The following KLF7 variants were observed in gnomAD, a reference collection of about 807,000 sequenced individuals.
The protein encoded by KLF7 is KLF transcription factor 7.
Under a neutral mutation model 27.3 loss-of-function variants are expected in KLF7, and 2 were observed. The ratio of observed to expected loss-of-function variants is 0.07; its 90% CI spans 0.03 to 0.23. The LOEUF (loss-of-function observed/expected upper bound fraction) is 0.23. Ranked by LOEUF, KLF7 falls within the 10% of genes least tolerant of loss-of-function variation. The pLI is 1.00. For missense variants in KLF7, 221 were observed against 394.1 expected, an observed-to-expected ratio of 0.56 and a Z score of 3.72; for synonymous variants, 165 against 162.4, an observed-to-expected ratio of 1.02 and a Z score of -0.12.
At chr2:207,112,007 T>A (rs1366379638) in intron 2 of KLF7, among the ~76,000 whole-genome samples, 1 of 151,780 alleles carries the variant, frequency 6.6e-6, no homozygotes, top group African/African-American at 2.4e-5. Flanking sequence ...CATAATATAC[T>A]TGCAAAGTTG....
chr2:207,160,290 C>G (rs950032009), intron 1 of KLF7, among the ~76,000 whole-genome samples: 9 of 152,304 alleles, frequency 5.9e-5, no homozygotes, highest in African/African-American at 2.2e-4. Context: ...AAAGGGACTA[C>G]TGGACAGAGG....
At chr2:207,172,364 C>T in the KLF7 span, among the ~76,000 whole-genome samples, 1 of 152,192 alleles carries the variant, frequency 6.6e-6, no homozygotes, top group Non-Finnish European at 1.5e-5. Context: ...CACGACTGTT[C>T]ATCCTTTATC....
intron 1 of KLF7, among the ~76,000 whole-genome samples, chr2:207,135,837 T>C (rs924304613): frequency 6.6e-6 from 1 of 152,102 alleles, no homozygotes; most frequent in African/African-American, 2.4e-5. Flanking sequence ...AAAAATTAAA[T>C]GCTTACTGTC....
At chr2:207,101,993 A>G (rs1286989592) in intron 2 of KLF7, among the ~76,000 whole-genome samples, 1 of 152,076 alleles carries the variant, frequency 6.6e-6, no homozygotes, top group Admixed American at 6.6e-5. Context: ...CCCATATACT[A>G]TTGGTCCATC....
At chr2:207,113,050 C>T (rs1188357689) in intron 2 of KLF7, among the ~76,000 whole-genome samples, 1 of 152,172 alleles carries the variant, frequency 6.6e-6, no homozygotes, top group Non-Finnish European at 1.5e-5. Context: ...TCCCATAATG[C>T]GTTTAGTCCA....
At chr2:207,129,438 T>G (rs1411334528) in intron 1 of KLF7, among the ~76,000 whole-genome samples, 2 of 152,172 alleles carry the variant, frequency 1.3e-5, no homozygotes, top group African/African-American at 4.8e-5. Context: ...GAGTGCAAAG[T>G]GATTTTCCTC....
intron 1 of KLF7, among the ~76,000 whole-genome samples, chr2:207,152,579 G>T (rs2078275908): frequency 6.6e-6 from 1 of 152,148 alleles, no homozygotes; most frequent in African/African-American, 2.4e-5. Context: ...GAACCAGATG[G>T]TCTTTTCCAT....
At position 207,093,581 on chromosome 2, in the gene KLF7, G is replaced by T. The variant is rs116614909; in HGVS notation, c.734-5000C>A. Among the ~76,000 whole-genome samples, 710 of 152,306 alleles carry T rather than the reference G, an allele frequency of 4.7e-3. 4 individuals are homozygous for T. Among genetic ancestry groups the T allele is most frequent in the African/African-American group, 0.016 (670 of 41,556 alleles). On this transcript the variant is annotated intron_variant, in intron 2 of 3. Transcript: ENST00000309446. ...TTTCTCCATAGCACTTAATTACTTTGAAATGCAGTTGCACATTGTTTGAGT... is the reference window on the plus strand; with the variant it reads ...TTTCTCCATAGCACTTAATTACTTTTAAATGCAGTTGCACATTGTTTGAGT...
upstream of KLF7, chr2:207,166,390 CAGCGCG>C (rs1559177091): frequency 6.1e-6 from 1 of 162,778 alleles, no homozygotes; most frequent in African/African-American, 2.4e-5. Context: ...GGCGGCCGGG[CAGCGCG>C]AGCGCAAGGG....
chr2:207,090,601 T>A (rs927227593), intron 2 of KLF7, among the ~76,000 whole-genome samples: 2 of 152,198 alleles, frequency 1.3e-5, no homozygotes, highest in African/African-American at 2.4e-5. Context: ...CTGAAATCGC[T>A]GTCAATAAAA....
intron 2 of KLF7, among the ~76,000 whole-genome samples, chr2:207,114,444 CTACA>C (rs2077122988): frequency 6.6e-6 from 1 of 152,196 alleles, no homozygotes; most frequent in African/African-American, 2.4e-5. Flanking sequence ...TGACATTAAA[CTACA>C]TAAACACACG....
At chr2:207,155,232 A>G (rs1373612439) in intron 1 of KLF7, among the ~76,000 whole-genome samples, 2 of 152,232 alleles carry the variant, frequency 1.3e-5, no homozygotes, top group Non-Finnish European at 2.9e-5. Flanking sequence ...CAGGTGCTCA[A>G]ATGAGATCAT....
intron 1 of KLF7, among the ~76,000 whole-genome samples, chr2:207,144,736 G>C (rs1461229008): frequency 2.0e-5 from 3 of 152,190 alleles, no homozygotes; most frequent in Non-Finnish European, 4.4e-5. Flanking sequence ...AACCAACTAA[G>C]TTTTCAAACA....
intron 1 of KLF7, among the ~76,000 whole-genome samples, chr2:207,162,129 T>C (rs1027440537): frequency 6.6e-6 from 1 of 152,196 alleles, no homozygotes; most frequent in African/African-American, 2.4e-5. Flanking sequence ...AATAAAAGCA[T>C]TGTATCAAAT....
At chr2:207,131,665 G>C (rs931009273) in intron 1 of KLF7, among the ~76,000 whole-genome samples, 8 of 152,172 alleles carry the variant, frequency 5.3e-5, no homozygotes, top group Non-Finnish European at 2.9e-5. Context: ...ATACTGATGG[G>C]AACTTTGTGA....
At chr2:207,162,170 T>TA (rs111767475) in intron 1 of KLF7, among the ~76,000 whole-genome samples, 42 of 151,398 alleles carry the variant, frequency 2.8e-4, no homozygotes, top group East Asian at 3.9e-4. Context: ...GCAGTGTGTC[T>TA]AAAAAAAAAG....
intron 2 of KLF7, among the ~76,000 whole-genome samples, chr2:207,101,340 C>A (rs539843145): frequency 3.3e-5 from 5 of 152,290 alleles, no homozygotes; most frequent in African/African-American, 7.2e-5. Flanking sequence ...GAACATGAGA[C>A]TCAATATGTT....
chr2:207,124,102 T>C lies in KLF7; in HGVS notation c.405A>G (p.Ser135=). ...GCTCAGGGGACGATGGGGGCGTTAA[T>C]GAGGTCACTGCGTTGAGCTGGGCCT... ...VNQAQLNAVT[S]LTPPSSPELS... Residue 135 remains serine, a synonymous_variant, in exon 2 of 4, where the codon TCA becomes TCG. Coordinates refer to ENST00000309446, the MANE Select transcript of KLF7 (RefSeq NM_003709.4). 1.9e-6 allele frequency: 3 copies of C among 1,614,050 alleles called. No homozygotes were observed. The highest frequency in any genetic ancestry group is 1.3e-5 in the African/African-American group (1 of 74,996).
chr2:207,085,700 T>C (rs984991071), intron 3 of KLF7, among the ~76,000 whole-genome samples: 32 of 152,254 alleles, frequency 2.1e-4, no homozygotes, highest in African/African-American at 7.7e-4. Context: ...CGATAAGGCA[T>C]GGATACAAAG....
Sources: gnomAD v4.1 joint callset for allele counts (sites outside exome capture counted in the v4.1 genomes callset) on GRCh38, gnomAD v4.1.1 for gene constraint, MANE v1.5 for transcripts, NCBI Gene and HGNC (gene_info 2026-07-23, HGNC 2026-07-21) for gene names.